DAPK1: variants seen among roughly 807,000 people sequenced by gnomAD.
DAPK1 encodes the protein death associated protein kinase 1, also known as death-associated protein kinase 1.
A neutral mutation model predicts 144.9 loss-of-function variants in DAPK1; 56 were observed. The observed-to-expected ratio is 0.39, with a 90% CI of 0.31 to 0.48. DAPK1 has a LOEUF of 0.48. DAPK1 is among the 20% of genes least tolerant of loss of function. The probability of loss-of-function intolerance (pLI) is 0.95; values close to 1 mark genes in which losing one functional copy is unlikely to be tolerated. For missense variants in DAPK1, 1,454 were observed against 1,875.4 expected, an observed-to-expected ratio of 0.78 and a Z score of 4.15; for synonymous variants, 690 against 749.0, an observed-to-expected ratio of 0.92 and a Z score of 1.29.
chr9:87,694,433 C>T (rs1343494029), intron 21 of DAPK1, among the ~76,000 whole-genome samples: 1 of 152,186 alleles, frequency 6.6e-6, no homozygotes, highest in Non-Finnish European at 1.5e-5. Context: ...GTCGTCAGGT[C>T]CCCTGGTGGT....
chr9:87,526,546 A>G lies in DAPK1; in HGVS notation c.62+27407A>G, dbSNP rs560097373. 7.7e-4 allele frequency among the ~76,000 whole-genome samples: 118 copies of G among 152,324 alleles called. 1 individual carries two copies. The highest frequency in any genetic ancestry group is 2.7e-3 in the African/African-American group (113 of 41,570). On this transcript the variant is annotated intron_variant, in intron 2 of 25. Coordinates refer to ENST00000408954, the MANE Select transcript of DAPK1 (RefSeq NM_004938.4). The stretch of plus-strand genomic sequence containing the variant: ...TATGCTACAGTCTGTTCACTCACCA[A>G]CTGAATGACATTTGGATTTTTCCAA...
chr9:87,557,592 C>T (rs911979883), intron 2 of DAPK1, among the ~76,000 whole-genome samples: 2 of 152,048 alleles, frequency 1.3e-5, no homozygotes, highest in East Asian at 3.9e-4. Context: ...CCTGTTAAAA[C>T]ATTACTCATT....
intron 2 of DAPK1, among the ~76,000 whole-genome samples, chr9:87,527,233 T>TA (rs1357940049): frequency 1.3e-5 from 2 of 152,316 alleles, no homozygotes; most frequent in South Asian, 2.1e-4. Context: ...GCCCTTGACT[T>TA]ATGTGCTCTT....
In DAPK1 at chr9:87,499,058, G is replaced by C. The variant is rs753696195; in HGVS notation, c.-20G>C. On this transcript the variant is annotated 5_prime_UTR_variant, in exon 2 of 26. Transcript: ENST00000408954. The stretch of plus-strand genomic sequence containing the variant: ...CGGAGCTGAAGTGCCCTGGGCTTTG[G>C]TGAGGCGTGACAGTTTATCATGACC... The C allele has an allele frequency of 6.2e-7, 1 of 1,613,716 alleles. No individual in the cohort carries two copies. The highest frequency in any genetic ancestry group is 1.1e-5 in the South Asian group (1 of 91,072).
chr9:87,686,762 G>A lies in DAPK1; in HGVS notation c.2413+23G>A, dbSNP rs370036464. ...ATGGTATGCCCTGCCTGCCCCAAGGGAAGGACCTCAGGTTTCCCTTCAACA... is the reference window on the plus strand; with the variant it reads ...ATGGTATGCCCTGCCTGCCCCAAGGAAAGGACCTCAGGTTTCCCTTCAACA... On this transcript the variant is annotated intron_variant, in intron 21 of 25. Coordinates refer to ENST00000408954, the MANE Select transcript of DAPK1 (RefSeq NM_004938.4). This position sits in a 1 kb window ranked among gnomAD's most constrained non-coding sequence, Gnocchi z 4.2. 2.5e-6 allele frequency: 4 copies of A among 1,573,160 alleles called. No individual in the cohort carries two copies. The African/African-American group carries it at 4.0e-5, about 16-fold the overall frequency.
intron 2 of DAPK1, among the ~76,000 whole-genome samples, chr9:87,515,635 T>C (rs771551302): frequency 3.9e-5 from 6 of 152,170 alleles, no homozygotes; most frequent in Non-Finnish European, 8.8e-5. Context: ...TGGTGGACAC[T>C]GCAGTGTTTG....
Position 87,651,674 on chromosome 9 carries a change from A to G in DAPK1, c.1774A>G (p.Ile592Val), listed in dbSNP as rs767404003. The G allele has an allele frequency of 2.5e-6, 4 of 1,614,198 alleles. No individual in the cohort carries two copies. Among genetic ancestry groups the G allele is most frequent in the South Asian group, 1.1e-5 (1 of 91,092 alleles). Residue 592 changes from isoleucine to valine, a missense_variant, in exon 17 of 26, where the codon ATC (isoleucine) becomes GTC (valine). By Grantham distance (29) the Ile-to-Val change is conservative (BLOSUM62 3). Around this residue, in one of 2 missense-constraint regions of DAPK1, gnomAD observed 1,025 missense variants for 1,237.9 expected, o/e 0.83. Coordinates refer to ENST00000408954, the MANE Select transcript of DAPK1 (RefSeq NM_004938.4). Reference protein sequence around the residue: ...HVACKDGNMPIVVALCEANCN... With the variant: ...HVACKDGNMPVVVALCEANCN... ...GGCATGTAAAGATGGCAACATGCCT[A>G]TCGTGGTGGCCCTCTGTGAAGCAAA...
chr9:87,643,620 T>C (rs920336474), intron 11 of DAPK1, 152 bp downstream of exon 11: 18 of 586,718 alleles, frequency 3.1e-5, no homozygotes, highest in South Asian at 8.9e-5. Context: ...GGGGTGCTGA[T>C]TGATGCACCC....
At chr9:87,556,111 C>A (rs567770285) in intron 2 of DAPK1, among the ~76,000 whole-genome samples, 2 of 152,084 alleles carry the variant, frequency 1.3e-5, no homozygotes, top group African/African-American at 2.4e-5. Flanking sequence ...TCTCCGTCAC[C>A]GAAACTCATC....
In DAPK1 at chr9:87,648,798, C is replaced by T. The variant is rs1233012497; in HGVS notation, c.1347C>T (p.Leu449=). The stretch of plus-strand genomic sequence containing the variant: ...TTCTGCAGTCTGGAGAGATGGCCCT[C>T]CACGTGGCAGCTCGCTATGGCCATG... The part of the protein sequence containing the change: ...DVKDKSGEMA[L]HVAARYGHAD... Residue 449 remains leucine, a synonymous_variant, in exon 15 of 26, where the codon CTC becomes CTT. Transcript: ENST00000408954. The T allele has an allele frequency of 1.2e-6, 2 of 1,614,076 alleles. No homozygotes were observed. Among genetic ancestry groups the T allele is most frequent in the South Asian group, 2.2e-5 (2 of 91,090 alleles).
rs567010547 is a variant in DAPK1 at position 87,557,314 on chromosome 9, G to A, written c.63-47640G>A. On this transcript the variant is annotated intron_variant, in intron 2 of 25. Coordinates refer to ENST00000408954, the MANE Select transcript of DAPK1 (RefSeq NM_004938.4). ...TTCATTTCCCACCATGGCCCTGTCA[G>A]GGGAGACCCTTTGTCCTGTACCTTC... 4.6e-4 allele frequency among the ~76,000 whole-genome samples: 70 copies of A among 152,298 alleles called. 1 individual carries two copies. In the South Asian group the frequency reaches 0.014, roughly 31 times the overall value.
chr9:87,698,584 C>T, intron 22 of DAPK1, 72 bp from the exon 23 acceptor site: 3 of 919,342 alleles, frequency 3.3e-6, no homozygotes, highest in Admixed American at 1.8e-5. Flanking sequence ...CAACACACCG[C>T]CCTCACCTGG....
intron 18 of DAPK1, among the ~76,000 whole-genome samples, chr9:87,667,164 T>C (rs1200172839): frequency 6.6e-6 from 1 of 152,176 alleles, no homozygotes; most frequent in African/African-American, 2.4e-5. Flanking sequence ...TTGGCATGGA[T>C]CCCTGGTTGG....
At position 87,647,338 on chromosome 9, in the gene DAPK1, C is replaced by A. The variant is rs765249476; in HGVS notation, c.1264C>A (p.His422Asn). Residue 422 changes from histidine to asparagine, a missense_variant, in exon 14 of 26, where the codon CAT (histidine) becomes AAT (asparagine). By Grantham distance (68) the His-to-Asn change is moderately conservative. Transcript: ENST00000408954. ...CAATGCCGTCTACTGGGCTGCTCGGCATGGCCACGTCGATACCTTGAAATT... is the reference window on the plus strand; with the variant it reads ...CAATGCCGTCTACTGGGCTGCTCGGAATGGCCACGTCGATACCTTGAAATT... ...GSNAVYWAAR[H>N]GHVDTLKFLS... 2 of 1,614,066 alleles carry A rather than the reference C, an allele frequency of 1.2e-6. No homozygotes were observed. The highest frequency in any genetic ancestry group is 1.7e-6 in the Non-Finnish European group (2 of 1,180,034).
Position 87,668,577 on chromosome 9 carries a change from A to G in DAPK1, c.1924-20A>G. 1 of 1,129,300 alleles carries G rather than the reference A, an allele frequency of 8.9e-7. No individual in the cohort carries two copies. Among genetic ancestry groups the G allele is most frequent in the Non-Finnish European group, 1.4e-6 (1 of 736,180 alleles). The allele number at this position is 1,129,300 out of a possible 1,614,324, so 70.0% of individuals were successfully genotyped here. The stretch of plus-strand genomic sequence containing the variant: ...CTCTCCTTTTCAGAGAAAAGAAACT[A>G]ATGCATTTTTCTCCAACAGGACGGA... On this transcript the variant is annotated intron_variant, in intron 18 of 25. Transcript: ENST00000408954.
At chr9:87,655,380 G>GAT (rs1434172534) in intron 17 of DAPK1, among the ~76,000 whole-genome samples, 1 of 152,016 alleles carries the variant, frequency 6.6e-6, no homozygotes, top group East Asian at 1.9e-4. Flanking sequence ...AAGGAAAGGT[G>GAT]ATGGGGGCTT....
At chr9:87,643,532 G>A in intron 11 of DAPK1, 64 bp downstream of exon 11, 1 of 1,059,586 alleles carries the variant, frequency 9.4e-7, no homozygotes, top group Non-Finnish European at 1.4e-6. Flanking sequence ...TGACCAAGCT[G>A]TTCTATTTGT....
chr9:87,540,806 C>A (rs1338103507), intron 2 of DAPK1, among the ~76,000 whole-genome samples: 1 of 152,132 alleles, frequency 6.6e-6, no homozygotes, highest in African/African-American at 2.4e-5. Flanking sequence ...CTTAAGGGAA[C>A]CTGCATCTAA....
intron 19 of DAPK1, among the ~76,000 whole-genome samples, chr9:87,678,940 A>T (rs993999521): frequency 1.3e-5 from 2 of 152,198 alleles, no homozygotes; most frequent in African/African-American, 4.8e-5. Flanking sequence ...CAAAGCCTTC[A>T]GGAGAGTTAT....
Sources: gnomAD v4.1 joint callset for allele counts (sites outside exome capture counted in the v4.1 genomes callset) on GRCh38, gnomAD v4.1.1 for gene constraint, gnomAD v4.1.1 regional missense constraint, Gnocchi (gnomAD v3.1) non-coding constraint, MANE v1.5 for transcripts, NCBI Gene and HGNC (gene_info 2026-07-23, HGNC 2026-07-21) for gene names.